CEP15: variants seen among roughly 807,000 people sequenced by gnomAD.
CEP15 encodes centrosomal protein 15.
the CEP15 span, among the ~76,000 whole-genome samples, chr3:62,324,551 A>G: frequency 6.6e-6 from 1 of 152,198 alleles, no homozygotes; most frequent in African/African-American, 2.4e-5. Flanking sequence ...ATAGAGGTGG[A>G]CCTGCTTTGG....
At chr3:62,323,958 C>T in the CEP15 span, 4 of 152,192 alleles carry the variant, frequency 2.6e-5, no homozygotes, top group Admixed American at 1.3e-4. Context: ...GCTAGAGATG[C>T]TGCCTCTTCT....
chr3:62,334,325 C>T, the CEP15 span: 1 of 151,612 alleles, frequency 6.6e-6, no homozygotes, highest in African/African-American at 2.4e-5. This position sits in a 1 kb window ranked among gnomAD's most constrained non-coding sequence, Gnocchi z 4.9. Flanking sequence ...TGCTATATTA[C>T]AATGAAATGT....
chr3:62,335,320 G>A, the CEP15 span: 1 of 151,972 alleles, frequency 6.6e-6, no homozygotes. Context: ...GCATTTCCAA[G>A]GCTCCTGCTG....
At chr3:62,328,012 G>A in the CEP15 span, among the ~76,000 whole-genome samples, 5 of 152,106 alleles carry the variant, frequency 3.3e-5, no homozygotes, top group Non-Finnish European at 5.9e-5. Context: ...GATGTGATAA[G>A]TTATTCCAGG....
chr3:62,326,277 C>T, the CEP15 span, among the ~76,000 whole-genome samples: 8 of 152,266 alleles, frequency 5.3e-5, no homozygotes, highest in African/African-American at 1.9e-4. Flanking sequence ...TCTTACATTT[C>T]TCACCTCCGG....
the CEP15 span, chr3:62,321,964 G>C: frequency 2.5e-6 from 4 of 1,605,700 alleles, no homozygotes; most frequent in Non-Finnish European, 3.4e-6. This position sits in a 1 kb window ranked among gnomAD's most constrained non-coding sequence, Gnocchi z 4.1. Context: ...TCAACAAATG[G>C]AGAATAAATT....
chr3:62,322,171 A>G, the CEP15 span: 1 of 1,030,854 alleles, frequency 9.7e-7, no homozygotes, highest in Non-Finnish European at 1.4e-6. The surrounding 1 kb of genome is among the most constrained non-coding windows in gnomAD (Gnocchi z 5.5). Context: ...TAGAATTACT[A>G]AAGCAGCATC....
the CEP15 span, among the ~76,000 whole-genome samples, chr3:62,322,785 A>C: frequency 6.6e-6 from 1 of 152,198 alleles, no homozygotes; most frequent in Non-Finnish European, 1.5e-5. This position sits in a 1 kb window ranked among gnomAD's most constrained non-coding sequence, Gnocchi z 5.5. Flanking sequence ...CAGTGTTTTC[A>C]GTTTTTTATT....
chr3:62,320,415 A>C, the CEP15 span: 1 of 1,396,660 alleles, frequency 7.2e-7, no homozygotes, highest in Middle Eastern at 1.8e-4. Flanking sequence ...AAAGCTGAGG[A>C]CATGTGGTAG....
At chr3:62,333,191 C>G in the CEP15 span, 2 of 1,529,752 alleles carry the variant, frequency 1.3e-6, no homozygotes, top group Non-Finnish European at 1.8e-6. The surrounding 1 kb of genome is among the most constrained non-coding windows in gnomAD (Gnocchi z 4.0). Context: ...AACATTTAGA[C>G]TATTATGAAG....
the CEP15 span, among the ~76,000 whole-genome samples, chr3:62,328,518 G>A: frequency 6.6e-6 from 1 of 152,108 alleles, no homozygotes; most frequent in African/African-American, 2.4e-5. Flanking sequence ...ATTTTGGGGG[G>A]AATTGCTTTT....
the CEP15 span, among the ~76,000 whole-genome samples, chr3:62,321,443 C>T: frequency 6.6e-6 from 1 of 152,098 alleles, no homozygotes; most frequent in African/African-American, 2.4e-5. The surrounding 1 kb of genome is among the most constrained non-coding windows in gnomAD (Gnocchi z 4.1). Context: ...TTTATTGCTT[C>T]TTCAAACATA....
At chr3:62,327,984 A>G in the CEP15 span, among the ~76,000 whole-genome samples, 15 of 152,182 alleles carry the variant, frequency 9.9e-5, no homozygotes, top group African/African-American at 3.6e-4. Flanking sequence ...ACAGTCTTTG[A>G]TAGTTTCTTT....
chr3:62,335,118 G>A, the CEP15 span: 1 of 152,074 alleles, frequency 6.6e-6, no homozygotes, highest in Non-Finnish European at 1.5e-5. Flanking sequence ...TCAAATATTT[G>A]AGCATGCACT....
At chr3:62,334,211 T>G in the CEP15 span, 2 of 150,044 alleles carry the variant, frequency 1.3e-5, no homozygotes, top group Non-Finnish European at 3.0e-5. This position sits in a 1 kb window ranked among gnomAD's most constrained non-coding sequence, Gnocchi z 4.9. Flanking sequence ...TTGAGATTCC[T>G]CAGTCCACCA....
chr3:62,328,244 T>G, the CEP15 span, among the ~76,000 whole-genome samples: 3 of 152,348 alleles, frequency 2.0e-5, no homozygotes, highest in East Asian at 5.8e-4. Context: ...ATCGCTGATC[T>G]TATGCATCTA....
the CEP15 span, chr3:62,319,699 T>C: frequency 2.6e-5 from 4 of 152,258 alleles, no homozygotes; most frequent in African/African-American, 7.2e-5. Flanking sequence ...GAAGGAATTT[T>C]ATTCCTCTTT....
chr3:62,327,011 T>G, the CEP15 span, among the ~76,000 whole-genome samples: 1 of 152,228 alleles, frequency 6.6e-6, no homozygotes. Context: ...TTGTTTGGAT[T>G]AGACTCCAAA....
chr3:62,324,123 G>C, the CEP15 span: 2 of 152,108 alleles, frequency 1.3e-5, no homozygotes, highest in Non-Finnish European at 2.9e-5. Context: ...AGTGGCTCAT[G>C]TCTATAATCT....
Sources: gnomAD v4.1 joint callset for allele counts (sites outside exome capture counted in the v4.1 genomes callset) on GRCh38, gnomAD v4.1.1 for gene constraint, Gnocchi (gnomAD v3.1) non-coding constraint, MANE v1.5 for transcripts, NCBI Gene and HGNC (gene_info 2026-07-23, HGNC 2026-07-21) for gene names.